Variants in ARHGAP15 observed in about 807,000 individuals in gnomAD.
ARHGAP15 encodes the protein rho GTPase-activating protein 15.
Under a neutral mutation model 63.7 loss-of-function variants are expected in ARHGAP15, and 51 were observed. The observed-to-expected ratio is 0.80, with a 90% CI of 0.64 to 1.01. The LOEUF is 1.01. ARHGAP15 is among the 50% of genes least tolerant of loss of function. ARHGAP15 has a pLI of 0.00. For missense variants in ARHGAP15, 560 were observed against 564.6 expected, an observed-to-expected ratio of 0.99 and a Z score of 0.08; for synonymous variants, 191 against 193.8, an observed-to-expected ratio of 0.99 and a Z score of 0.12.
intron 6 of ARHGAP15, among the ~76,000 whole-genome samples, chr2:143,399,275 T>C (rs1046936581): frequency 9.2e-5 from 14 of 151,710 alleles, no homozygotes; most frequent in South Asian, 4.2e-4. Flanking sequence ...TTTTTTTTTA[T>C]CCTTTGAGAC....
intron 3 of ARHGAP15, among the ~76,000 whole-genome samples, chr2:143,210,637 G>C (rs1251846413): frequency 6.6e-6 from 1 of 152,116 alleles, no homozygotes; most frequent in Non-Finnish European, 1.5e-5. Flanking sequence ...AAGTAAGGGA[G>C]GGAGGCTACC....
chr2:143,644,188 C>T (rs1680751170), intron 12 of ARHGAP15, among the ~76,000 whole-genome samples: 1 of 152,064 alleles, frequency 6.6e-6, no homozygotes, highest in Non-Finnish European at 1.5e-5. Flanking sequence ...AGAGAACGAA[C>T]AGCCATGTAG....
chr2:143,568,534 G>A (rs1382597430), intron 11 of ARHGAP15, among the ~76,000 whole-genome samples: 1 of 152,198 alleles, frequency 6.6e-6, no homozygotes, highest in Non-Finnish European at 1.5e-5. Context: ...AGAGGATGTG[G>A]AGAAATAGGA....
intron 6 of ARHGAP15, among the ~76,000 whole-genome samples, chr2:143,427,891 T>C (rs770499807): frequency 1.3e-5 from 2 of 152,162 alleles, no homozygotes; most frequent in Non-Finnish European, 2.9e-5. Context: ...AAATATATTA[T>C]GGCATATCAA....
chr2:143,630,520 T>C lies in ARHGAP15; in HGVS notation c.1138+6253T>C, dbSNP rs551070563. On this transcript the variant is annotated intron_variant, in intron 12 of 13. Transcript: ENST00000295095. ...AGGAAACCTCATTTAGTGATTTTAA[T>C]TTTTATCTCTTCTGGTTACTTTCAT... Among the ~76,000 whole-genome samples the C allele has an allele frequency of 1.4e-4, 22 of 152,244 alleles. 1 individual carries two copies. In the South Asian group the frequency reaches 4.4e-3, roughly 30 times the overall value.
chr2:143,493,044 C>A (rs922351502), intron 9 of ARHGAP15, among the ~76,000 whole-genome samples: 1 of 142,118 alleles, frequency 7.0e-6, no homozygotes, highest in Non-Finnish European at 1.6e-5. Flanking sequence ...GGCGACAGAG[C>A]GAGACTCTGT....
chr2:143,641,742 G>C (rs1029065519), intron 12 of ARHGAP15, among the ~76,000 whole-genome samples: 4 of 152,096 alleles, frequency 2.6e-5, no homozygotes, highest in African/African-American at 9.7e-5. Context: ...ATGAGACAAG[G>C]CCTGTTACTG....
chr2:143,686,789 C>T (rs1683372049), intron 12 of ARHGAP15, among the ~76,000 whole-genome samples: 1 of 152,146 alleles, frequency 6.6e-6, no homozygotes, highest in African/African-American at 2.4e-5. Context: ...ACACTGACGT[C>T]CTACTGTTTC....
rs147731011 is a variant in ARHGAP15, at chr2:143,482,261, G to GA, written c.704-5102dup. On this transcript the variant is annotated intron_variant, in intron 8 of 13. Coordinates refer to ENST00000295095, the MANE Select transcript of ARHGAP15 (RefSeq NM_018460.4). The stretch of plus-strand genomic sequence containing the variant: ...CAAATAAAAACTCAAAGTGGGAATG[G>GA]AAAAAAAAAACTACTCGTTGGCTTA... Among the ~76,000 whole-genome samples, 828 of 147,030 alleles carry GA rather than the reference G, an allele frequency of 5.6e-3. 21 individuals carry two copies. Among genetic ancestry groups the GA allele is most frequent in the Admixed American group, 0.044 (646 of 14,784 alleles).
At chr2:143,738,859 T>A (rs1169762765) in intron 13 of ARHGAP15, among the ~76,000 whole-genome samples, 1 of 152,152 alleles carries the variant, frequency 6.6e-6, no homozygotes, top group Non-Finnish European at 1.5e-5. Context: ...GTTGGTCCCA[T>A]TCCTTGGTTC....
chr2:143,754,419 G>A (rs1015788041), intron 13 of ARHGAP15, among the ~76,000 whole-genome samples: 1 of 152,048 alleles, frequency 6.6e-6, no homozygotes, highest in African/African-American at 2.4e-5. Context: ...TTCATTTGCA[G>A]TCATCATCCC....
intron 6 of ARHGAP15, among the ~76,000 whole-genome samples, chr2:143,353,959 T>C (rs1244303435): frequency 1.3e-5 from 2 of 152,180 alleles, no homozygotes; most frequent in Admixed American, 1.3e-4. Context: ...TCTAGAATGA[T>C]GTTGTCTACA....
intron 13 of ARHGAP15, among the ~76,000 whole-genome samples, chr2:143,755,278 G>GC (rs1686534355): frequency 1.3e-5 from 2 of 150,516 alleles, no homozygotes; most frequent in Admixed American, 1.3e-4. Flanking sequence ...CATATATGGG[G>GC]GGGGGGGATC....
At chr2:143,248,319 A>G (rs1694125459) in intron 5 of ARHGAP15, among the ~76,000 whole-genome samples, 1 of 152,222 alleles carries the variant, frequency 6.6e-6, no homozygotes, top group South Asian at 2.1e-4. Flanking sequence ...CAGGTGGTGT[A>G]AAGGACCTAC....
At chr2:143,690,183 A>T (rs999514919) in intron 12 of ARHGAP15, among the ~76,000 whole-genome samples, 13 of 152,198 alleles carry the variant, frequency 8.5e-5, no homozygotes, top group African/African-American at 2.4e-4. Flanking sequence ...GCACTTTCCA[A>T]TTAAGACCAA....
chr2:143,735,471 G>C (rs1312479233), intron 13 of ARHGAP15, among the ~76,000 whole-genome samples: 1 of 152,216 alleles, frequency 6.6e-6, no homozygotes, highest in Non-Finnish European at 1.5e-5. Flanking sequence ...CTGGTAGCAA[G>C]ATGGCAACAC....
At chr2:143,414,409 C>A (rs1177397576) in intron 6 of ARHGAP15, among the ~76,000 whole-genome samples, 2 of 151,888 alleles carry the variant, frequency 1.3e-5, no homozygotes, top group Admixed American at 6.6e-5. Context: ...AAAGTATTTG[C>A]ATAAAACTCC....
At chr2:143,202,699 G>T (rs894851630) in intron 3 of ARHGAP15, among the ~76,000 whole-genome samples, 7 of 152,012 alleles carry the variant, frequency 4.6e-5, no homozygotes, top group Non-Finnish European at 1.0e-4. Flanking sequence ...AAGGGGAGAG[G>T]ATTACATAAG....
intron 4 of ARHGAP15, among the ~76,000 whole-genome samples, chr2:143,221,342 A>C (rs1464958470): frequency 6.6e-6 from 1 of 152,162 alleles, no homozygotes; most frequent in Admixed American, 6.5e-5. Context: ...GGAAAGATAA[A>C]TTATTGGCTA....
Sources: gnomAD v4.1 joint callset for allele counts (sites outside exome capture counted in the v4.1 genomes callset) on GRCh38, gnomAD v4.1.1 for gene constraint, MANE v1.5 for transcripts, NCBI Gene and HGNC (gene_info 2026-07-23, HGNC 2026-07-21) for gene names.